The following GRM7 variants were observed in gnomAD, a reference collection of about 807,000 sequenced individuals.
GRM7 encodes metabotropic glutamate receptor 7.
GRM7 carries 35 observed loss-of-function variants against 84.5 expected under a neutral mutation model. The ratio of observed to expected loss-of-function variants is 0.41; its 90% confidence interval spans 0.32 to 0.55. The LOEUF is 0.55. Among genes scored for constraint, GRM7 ranks in the 20% least tolerant of loss-of-function variants. The pLI is 0.19. For synonymous variants in GRM7, 487 were observed against 455.1 expected, an observed-to-expected ratio of 1.07 and a Z score of -0.89; for missense variants, 1,003 against 1,194.6, an observed-to-expected ratio of 0.84 and a Z score of 2.36.
chr3:7,329,794 A>G (rs760990813), intron 4 of GRM7, among the ~76,000 whole-genome samples: 3 of 152,150 alleles, frequency 2.0e-5, no homozygotes, highest in Non-Finnish European at 4.4e-5. Context: ...GGGGGTATAT[A>G]TGCATGGATG....
At chr3:6,876,633 G>A (rs867447274) in intron 1 of GRM7, among the ~76,000 whole-genome samples, 4 of 127,842 alleles carry the variant, frequency 3.1e-5, no homozygotes, top group Admixed American at 9.8e-5. Context: ...AAGGTGTCTC[G>A]CTGTATCGCC....
chr3:7,659,228 G>A (rs931287055), intron 8 of GRM7, among the ~76,000 whole-genome samples: 1 of 152,156 alleles, frequency 6.6e-6, no homozygotes, highest in African/African-American at 2.4e-5. Flanking sequence ...GCAGAATACT[G>A]GTTTACTCCT....
intron 4 of GRM7, among the ~76,000 whole-genome samples, chr3:7,367,838 C>A (rs1693965576): frequency 6.6e-6 from 1 of 151,398 alleles, no homozygotes; most frequent in South Asian, 2.1e-4. Context: ...CTGTGGACAG[C>A]TGATCCAAGC....
intron 2 of GRM7, among the ~76,000 whole-genome samples, chr3:7,221,413 T>C (rs1468856108): frequency 1.3e-5 from 2 of 152,168 alleles, no homozygotes; most frequent in African/African-American, 2.4e-5. Flanking sequence ...TATTTTTCCA[T>C]TGGGTTGTTT....
intron 4 of GRM7, among the ~76,000 whole-genome samples, chr3:7,375,105 T>A (rs1344690734): frequency 6.6e-6 from 1 of 152,172 alleles, no homozygotes; most frequent in Non-Finnish European, 1.5e-5. Flanking sequence ...CATCATGACT[T>A]GAATTTGAAA....
intron 2 of GRM7, among the ~76,000 whole-genome samples, chr3:7,286,551 A>G (rs920770584): frequency 6.6e-6 from 1 of 152,182 alleles, no homozygotes; most frequent in African/African-American, 2.4e-5. Flanking sequence ...CTAAATTTCA[A>G]TAACCCTTTG....
At chr3:7,017,306 T>A in intron 1 of GRM7, among the ~76,000 whole-genome samples, 1 of 152,190 alleles carries the variant, frequency 6.6e-6, no homozygotes, top group Non-Finnish European at 1.5e-5. Context: ...AGTTTTAGAT[T>A]GTGCTTTTAA....
rs1553632407 is a variant in GRM7, at chr3:7,211,652, C to CCAAAAAAAA, written c.736+64984_736+64985insCAAAAAAAA. ...AAAATTAGCTTTCTGTTCTCCCAAC[C>CCAAAAAAAA]AAAAAAAAAAAAAAAATCACACTGA... On this transcript the variant is annotated intron_variant, in intron 2 of 9. Transcript: ENST00000357716. Among the ~76,000 whole-genome samples, 7 of 122,668 alleles carry CCAAAAAAAA rather than the reference C, an allele frequency of 5.7e-5. No individual in the cohort carries two copies. In the South Asian group the frequency reaches 1.0e-3, roughly 18 times the overall value. The allele number at this position is 122,668 out of a possible 152,430, so 80.5% of individuals were successfully genotyped here. A position where few individuals can be genotyped will look rare whatever the true frequency, so the allele number is the denominator to read the frequency against.
At chr3:6,940,341 C>G (rs772393786) in intron 1 of GRM7, among the ~76,000 whole-genome samples, 6 of 152,164 alleles carry the variant, frequency 3.9e-5, no homozygotes, top group Non-Finnish European at 7.4e-5. Context: ...CTGCCCATCT[C>G]GGCCTCCGAA....
intron 7 of GRM7, among the ~76,000 whole-genome samples, chr3:7,474,123 C>A (rs1698822514): frequency 6.6e-6 from 1 of 152,168 alleles, no homozygotes; most frequent in Non-Finnish European, 1.5e-5. Context: ...TCAAATTTAT[C>A]TGTCTTTTGT....
intron 2 of GRM7, among the ~76,000 whole-genome samples, chr3:7,156,983 A>G (rs1694471452): frequency 6.6e-6 from 1 of 152,188 alleles, no homozygotes; most frequent in African/African-American, 2.4e-5. Flanking sequence ...AATTCTTTGA[A>G]AGATTATTAG....
chr3:7,393,517 T>C (rs1695087545), intron 4 of GRM7, among the ~76,000 whole-genome samples: 1 of 152,222 alleles, frequency 6.6e-6, no homozygotes, highest in Admixed American at 6.5e-5. Flanking sequence ...CTGGAACCTC[T>C]CCTTACTTAT....
intron 1 of GRM7, among the ~76,000 whole-genome samples, chr3:6,913,658 A>T (rs964460763): frequency 1.3e-5 from 2 of 152,088 alleles, no homozygotes; most frequent in Non-Finnish European, 2.9e-5. Context: ...TTCATTCTTT[A>T]TTCATAAAGT....
intron 1 of GRM7, among the ~76,000 whole-genome samples, chr3:6,870,874 TA>T (rs1289188748): frequency 6.6e-6 from 1 of 152,142 alleles, no homozygotes; most frequent in Admixed American, 6.5e-5. Context: ...GGAACAGGGT[TA>T]GGGGTTAAGG....
At chr3:7,028,918 T>C (rs2124923801) in intron 1 of GRM7, among the ~76,000 whole-genome samples, 1 of 152,320 alleles carries the variant, frequency 6.6e-6, no homozygotes, top group East Asian at 1.9e-4. Flanking sequence ...TAAGAAAAAC[T>C]GGAACCCTGT....
At chr3:7,166,683 A>G (rs1372908112) in intron 2 of GRM7, among the ~76,000 whole-genome samples, 1 of 152,190 alleles carries the variant, frequency 6.6e-6, no homozygotes, top group African/African-American at 2.4e-5. Flanking sequence ...GTCTAAGCCA[A>G]TTCCAGGGCA....
At chr3:7,579,603 A>G (rs1031014851) in intron 8 of GRM7, among the ~76,000 whole-genome samples, 8 of 152,192 alleles carry the variant, frequency 5.3e-5, no homozygotes, top group African/African-American at 1.9e-4. Context: ...AGAATTATTA[A>G]ATGTAATGAG....
intron 9 of GRM7, among the ~76,000 whole-genome samples, chr3:7,683,837 T>C (rs1333999211): frequency 6.6e-6 from 1 of 152,256 alleles, no homozygotes; most frequent in African/African-American, 2.4e-5. Context: ...AGTGTAGCTC[T>C]AGAAATTGAC....
chr3:7,701,006 G>A (rs532319999), intron 9 of GRM7, among the ~76,000 whole-genome samples: 1 of 152,302 alleles, frequency 6.6e-6, no homozygotes, highest in Admixed American at 6.5e-5. Flanking sequence ...TCCTATGAGG[G>A]CAGTGAAAAA....
Sources: allele counts gnomAD v4.1 joint callset (sites outside exome capture counted in the v4.1 genomes callset), GRCh38; gene constraint gnomAD v4.1.1; transcripts MANE v1.5; gene names NCBI Gene and HGNC (gene_info 2026-07-23, HGNC 2026-07-21).